ARK2C: variants seen among roughly 807,000 people sequenced by gnomAD.
ARK2C encodes E3 ubiquitin-protein ligase ARK2C.
At chr18:46,441,269 G>A in the ARK2C span, among the ~76,000 whole-genome samples, 1 of 152,194 alleles carries the variant, frequency 6.6e-6, no homozygotes, top group Non-Finnish European at 1.5e-5. Flanking sequence ...TGGGATTACA[G>A]GTGTGAGCCA....
the ARK2C span, among the ~76,000 whole-genome samples, chr18:46,442,579 T>C: frequency 6.6e-6 from 1 of 152,204 alleles, no homozygotes; most frequent in Non-Finnish European, 1.5e-5. Flanking sequence ...GCATTTATAC[T>C]ATCTTAGTAA....
the ARK2C span, chr18:46,435,403 C>G: frequency 5.6e-6 from 9 of 1,599,758 alleles, no homozygotes; most frequent in South Asian, 3.3e-5. Flanking sequence ...ACTGGTGAGT[C>G]TTCAGGGCCC....
chr18:46,355,738 A>G, the ARK2C span, among the ~76,000 whole-genome samples: 1 of 100,222 alleles, frequency 1.0e-5, no homozygotes, highest in Non-Finnish European at 2.6e-5. Context: ...GCTCCCCTCT[A>G]TCTCTCCACC....
At chr18:46,365,703 C>T in the ARK2C span, among the ~76,000 whole-genome samples, 1 of 152,138 alleles carries the variant, frequency 6.6e-6, no homozygotes, top group Non-Finnish European at 1.5e-5. Flanking sequence ...TGGGGTTTCA[C>T]AATGTTGTCC....
At chr18:46,348,258 G>A in the ARK2C span, among the ~76,000 whole-genome samples, 1 of 151,938 alleles carries the variant, frequency 6.6e-6, no homozygotes, top group Non-Finnish European at 1.5e-5. Flanking sequence ...GGAAGGGCAG[G>A]CTGAGAAGGA....
chr18:46,359,597 A>G, the ARK2C span, among the ~76,000 whole-genome samples: 1 of 152,218 alleles, frequency 6.6e-6, no homozygotes, highest in Non-Finnish European at 1.5e-5. Context: ...ACTCCACCTG[A>G]AAGCCCATGT....
the ARK2C span, among the ~76,000 whole-genome samples, chr18:46,418,453 T>G: frequency 2.6e-5 from 4 of 152,232 alleles, no homozygotes; most frequent in Non-Finnish European, 5.9e-5. Flanking sequence ...ATTTTAAAAG[T>G]TACTAATTTT....
At chr18:46,350,472 G>A in the ARK2C span, among the ~76,000 whole-genome samples, 4 of 152,200 alleles carry the variant, frequency 2.6e-5, no homozygotes, top group African/African-American at 4.8e-5. Context: ...AGAAGGGAGC[G>A]CTGAGGTATG....
At chr18:46,388,423 G>A in the ARK2C span, among the ~76,000 whole-genome samples, 10 of 152,228 alleles carry the variant, frequency 6.6e-5, no homozygotes, top group African/African-American at 2.4e-4. Flanking sequence ...CAGTGACCTA[G>A]CAGCTGCTCA....
At chr18:46,450,290 C>G in the ARK2C span, 1 of 1,606,688 alleles carries the variant, frequency 6.2e-7, no homozygotes, top group Non-Finnish European at 8.5e-7. Context: ...GTTTTCTACC[C>G]AACAGGTCGT....
chr18:46,370,374 A>G, the ARK2C span, among the ~76,000 whole-genome samples: 1 of 152,214 alleles, frequency 6.6e-6, no homozygotes, highest in Non-Finnish European at 1.5e-5. Flanking sequence ...GAAGCAGGGA[A>G]ATCAGTGTGC....
At chr18:46,453,748 T>A in the ARK2C span, among the ~76,000 whole-genome samples, 1 of 151,654 alleles carries the variant, frequency 6.6e-6, no homozygotes, top group African/African-American at 2.4e-5. Flanking sequence ...TAGAAAATAC[T>A]GAGTCAAAAT....
the ARK2C span, among the ~76,000 whole-genome samples, chr18:46,419,284 C>A: frequency 1.3e-4 from 20 of 152,302 alleles, no homozygotes; most frequent in African/African-American, 4.8e-4. Context: ...TCAAGGAAAT[C>A]ATTGAGCCAT....
At chr18:46,377,962 T>C in the ARK2C span, among the ~76,000 whole-genome samples, 348 of 152,096 alleles carry the variant, frequency 2.3e-3, 1 homozygote, top group African/African-American at 8.1e-3. Flanking sequence ...GGTGGTGGAC[T>C]GCACAACAGA....
the ARK2C span, among the ~76,000 whole-genome samples, chr18:46,402,340 A>G: frequency 2.0e-5 from 3 of 152,330 alleles, 1 homozygote; most frequent in African/African-American, 7.2e-5. Context: ...GATTTTCTCA[A>G]TCCAGCTCCA....
the ARK2C span, among the ~76,000 whole-genome samples, chr18:46,344,693 T>G: frequency 1.4e-4 from 21 of 152,304 alleles, no homozygotes; most frequent in African/African-American, 5.1e-4. Context: ...CCCCTCTGCC[T>G]GTGACGTTTG....
chr18:46,387,903 C>T, the ARK2C span, among the ~76,000 whole-genome samples: 2 of 152,230 alleles, frequency 1.3e-5, no homozygotes, highest in Non-Finnish European at 2.9e-5. Flanking sequence ...AGGACTGGGG[C>T]AGTCACGCCT....
the ARK2C span, among the ~76,000 whole-genome samples, chr18:46,388,994 C>T: frequency 1.6e-4 from 24 of 152,272 alleles, no homozygotes; most frequent in African/African-American, 5.8e-4. Flanking sequence ...TATTGACTCT[C>T]GGTTCACGAG....
chr18:46,460,903 ACC>A, the ARK2C span: 1 of 150,818 alleles, frequency 6.6e-6, no homozygotes, highest in Non-Finnish European at 1.5e-5. Context: ...TACACTTGGC[ACC>A]CCCCCGCCCC....
Sources: gnomAD v4.1 joint callset for allele counts (sites outside exome capture counted in the v4.1 genomes callset) on GRCh38, gnomAD v4.1.1 for gene constraint, MANE v1.5 for transcripts, NCBI Gene and HGNC (gene_info 2026-07-23, HGNC 2026-07-21) for gene names.